CD6: variants seen among roughly 807,000 people sequenced by gnomAD.
CD6 encodes T-cell differentiation antigen CD6.
Under a neutral mutation model 75.3 loss-of-function variants are expected in CD6, and 53 were observed. The ratio of observed to expected loss-of-function variants is 0.70; its 90% CI spans 0.56 to 0.88. CD6 has a LOEUF of 0.88. CD6 is among the 40% of genes least tolerant of loss of function. The pLI is 0.00. For missense variants in CD6, 770 were observed against 897.1 expected (o/e 0.86, Z 1.81); for synonymous variants, 359 against 381.5 (o/e 0.94, Z 0.69).
chr11:61,008,927 C>T (rs543660338), intron 4 of CD6, 82 bp downstream of exon 4: 30 of 1,228,286 alleles, frequency 2.4e-5, no homozygotes, highest in East Asian at 1.5e-4. Flanking sequence ...GAGTTAGTGC[C>T]GGAGAGGTGG....
intron 1 of CD6, among the ~76,000 whole-genome samples, chr11:60,987,434 C>T (rs765497190): frequency 3.9e-5 from 6 of 152,154 alleles, no homozygotes; most frequent in Non-Finnish European, 7.3e-5. Context: ...GACCCTATTT[C>T]CAAATAAGCT....
At chr11:61,008,282 A>G in intron 3 of CD6, 1 of 525,916 alleles carries the variant, frequency 1.9e-6, no homozygotes, top group Non-Finnish European at 3.4e-6. Flanking sequence ...AGGGTCCCTA[A>G]GCGCTGTGGC....
chr11:60,983,401 A>G (rs2135031316), intron 1 of CD6, among the ~76,000 whole-genome samples: 1 of 151,888 alleles, frequency 6.6e-6, no homozygotes, highest in South Asian at 2.1e-4. Context: ...CTGTTTTTTC[A>G]CTTAACTTTT....
At chr11:60,985,632 G>A (rs548308201) in intron 1 of CD6, among the ~76,000 whole-genome samples, 5 of 152,170 alleles carry the variant, frequency 3.3e-5, no homozygotes, top group South Asian at 2.1e-4. Flanking sequence ...ATAGCCTGCC[G>A]TCCAAGCATG....
chr11:60,977,378 C>A (rs1377057667), intron 1 of CD6, among the ~76,000 whole-genome samples: 1 of 152,086 alleles, frequency 6.6e-6, no homozygotes, highest in African/African-American at 2.4e-5. Context: ...CTTTAACATC[C>A]ATGCCATGTG....
intron 1 of CD6, among the ~76,000 whole-genome samples, chr11:60,986,584 A>T (rs1278236054): frequency 6.6e-6 from 1 of 152,198 alleles, no homozygotes; most frequent in African/African-American, 2.4e-5. Flanking sequence ...CCATGTCAAC[A>T]TAGTGTTGAA....
intron 9 of CD6, among the ~76,000 whole-genome samples, chr11:61,016,313 A>T (rs1351603883): frequency 6.6e-6 from 1 of 151,990 alleles, no homozygotes; most frequent in Non-Finnish European, 1.5e-5. Context: ...CCTTCTGGGG[A>T]TAGGAAGAGG....
At chr11:61,014,294 G>T (rs1023866155) in intron 8 of CD6, among the ~76,000 whole-genome samples, 3 of 152,214 alleles carry the variant, frequency 2.0e-5, no homozygotes, top group Non-Finnish European at 4.4e-5. Context: ...TCAGAGGAAA[G>T]CTCTGTTCTG....
chr11:60,978,065 G>C (rs890219890), intron 1 of CD6, among the ~76,000 whole-genome samples: 10 of 152,170 alleles, frequency 6.6e-5, no homozygotes, highest in Non-Finnish European at 1.2e-4. Context: ...TCTGTAATTA[G>C]AAAGGCTGAA....
At chr11:61,011,384 C>T (rs1859146869) in intron 6 of CD6, among the ~76,000 whole-genome samples, 1 of 151,856 alleles carries the variant, frequency 6.6e-6, no homozygotes. Context: ...AGTCCATTCC[C>T]CCACTTTCCT....
chr11:60,988,791 C>G (rs749284517), intron 1 of CD6, among the ~76,000 whole-genome samples: 19 of 152,228 alleles, frequency 1.2e-4, no homozygotes, highest in Non-Finnish European at 2.4e-4. Flanking sequence ...TGCCCACACA[C>G]AAGCTAAAAC....
chr11:61,000,006 C>T (rs1352436398), intron 1 of CD6, among the ~76,000 whole-genome samples: 2 of 151,858 alleles, frequency 1.3e-5, no homozygotes, highest in Admixed American at 6.6e-5. Context: ...GAACCGAGAT[C>T]GCATCACTGC....
intron 1 of CD6, among the ~76,000 whole-genome samples, chr11:60,980,739 C>G (rs1336853068): frequency 6.6e-6 from 1 of 152,078 alleles, no homozygotes; most frequent in African/African-American, 2.4e-5. Flanking sequence ...ACCCGCAAGG[C>G]TGAGGGAAGA....
intron 9 of CD6, among the ~76,000 whole-genome samples, chr11:61,016,251 C>T (rs897576134): frequency 6.6e-6 from 1 of 152,210 alleles, no homozygotes; most frequent in Non-Finnish European, 1.5e-5. Context: ...CACTCACTTC[C>T]TCACCTCCAC....
intron 1 of CD6, among the ~76,000 whole-genome samples, chr11:60,976,008 T>C (rs1486686178): frequency 6.6e-6 from 1 of 152,204 alleles, no homozygotes; most frequent in Non-Finnish European, 1.5e-5. Flanking sequence ...ATAAGTGAAG[T>C]GAATATTAAG....
chr11:60,990,937 A>G (rs990489903), intron 1 of CD6, among the ~76,000 whole-genome samples: 5 of 151,952 alleles, frequency 3.3e-5, no homozygotes, highest in African/African-American at 1.2e-4. Context: ...GTTTATTTCC[A>G]GCTGATGGAT....
intron 8 of CD6, among the ~76,000 whole-genome samples, chr11:61,014,843 A>AATC (rs1318293107): frequency 3.9e-5 from 6 of 152,330 alleles, no homozygotes; most frequent in Non-Finnish European, 2.9e-5. Flanking sequence ...GAATGTATTC[A>AATC]ATCACCTTTA....
chr11:61,005,287 G>C (rs1858794400), intron 1 of CD6, among the ~76,000 whole-genome samples: 1 of 152,250 alleles, frequency 6.6e-6, no homozygotes, highest in African/African-American at 2.4e-5. Context: ...CCGAGTAGGA[G>C]ACAGTCAAGG....
chr11:61,017,607 G>T, intron 10 of CD6, 57 bp downstream of exon 10: 1 of 1,566,450 alleles, frequency 6.4e-7, no homozygotes, highest in Non-Finnish European at 8.8e-7. Flanking sequence ...GAGTAGCTCA[G>T]CTCAGCTTGA....
Sources: gnomAD v4.1 joint callset for allele counts (sites outside exome capture counted in the v4.1 genomes callset) on GRCh38, gnomAD v4.1.1 for gene constraint, MANE v1.5 for transcripts, NCBI Gene and HGNC (gene_info 2026-07-23, HGNC 2026-07-21) for gene names.